The following MEGF6 variants were observed in gnomAD, a reference collection of about 807,000 sequenced individuals.
The protein encoded by MEGF6 is multiple EGF like domains 6.
MEGF6 carries 184 observed loss-of-function variants against 207.1 expected under a neutral mutation model. That is an observed-to-expected ratio of 0.89 (90% CI 0.79 to 1.00). MEGF6 has a LOEUF of 1.00. MEGF6 is among the 50% of genes least tolerant of loss of function. The pLI, the probability that MEGF6 is intolerant of heterozygous loss-of-function variation, is 0.00. For synonymous variants in MEGF6, 1,038 were observed against 910.0 expected, an observed-to-expected ratio of 1.14 and a Z score of -2.53; for missense variants, 2,282 against 2,202.9, an observed-to-expected ratio of 1.04 and a Z score of -0.72.
intron 5 of MEGF6, among the ~76,000 whole-genome samples, chr1:3,520,604 C>T (rs2101145219): frequency 6.6e-6 from 1 of 152,118 alleles, no homozygotes; most frequent in Admixed American, 6.5e-5. Context: ...CAATGGGGCA[C>T]ACCAGGACTC....
Position 3,571,414 on chromosome 1 carries a change from A to G in MEGF6, c.481+8411T>C, listed in dbSNP as rs75312104. 6.9e-3 allele frequency among the ~76,000 whole-genome samples: 1,050 copies of G among 152,054 alleles called. 16 individuals carry two copies. The highest frequency in any genetic ancestry group is 0.024 in the African/African-American group (994 of 41,440). ...AAGGCCAGCCTGCCCCAAAGGCCAG[A>G]GAGCAAGGTTCCTGAGTAAGGACAT... On this transcript the variant is annotated intron_variant, in intron 4 of 36. Coordinates refer to ENST00000356575, the MANE Select transcript of MEGF6 (RefSeq NM_001409.4).
At chr1:3,552,182 C>T (rs997092806) in intron 4 of MEGF6, among the ~76,000 whole-genome samples, 1 of 152,240 alleles carries the variant, frequency 6.6e-6, no homozygotes, top group Non-Finnish European at 1.5e-5. Context: ...TGCCCGAGCC[C>T]CAGGCACAGA....
chr1:3,510,627 G>A (rs1253693197), intron 10 of MEGF6, among the ~76,000 whole-genome samples, 156 bp downstream of exon 10: 2 of 151,978 alleles, frequency 1.3e-5, no homozygotes, highest in African/African-American at 4.8e-5. Context: ...CCTGCACACA[G>A]CAGGCGCTCA....
At chr1:3,525,383 C>T (rs756873800) in intron 4 of MEGF6, among the ~76,000 whole-genome samples, 1 of 152,208 alleles carries the variant, frequency 6.6e-6, no homozygotes, top group Non-Finnish European at 1.5e-5. Flanking sequence ...GGTCCTGAGG[C>T]CTCTCCCCGC....
chr1:3,497,325 T>G lies in MEGF6; in HGVS notation c.3389A>C (p.Gln1130Pro). 6.4e-7 allele frequency: 1 copy of G among 1,553,466 alleles called. No individual in the cohort carries two copies. The highest frequency in any genetic ancestry group is 8.7e-7 in the Non-Finnish European group (1 of 1,154,484). The part of the protein sequence containing the change: ...LRGWFGEACA[Q>P]RCSCPPGAAC... ...AGCGCCAGGCGGGCAGCTGCAGCGC[T>G]GGGCACAGGCCTCTCCAAACCAGCC... The change falls in exon 27 of 37, where the codon CAG becomes CCG. Residue 1130 changes from glutamine (Q) to proline (P), a missense_variant. Gln to Pro is a moderately conservative substitution (Grantham distance 76). Coordinates refer to ENST00000356575, the MANE Select transcript of MEGF6 (RefSeq NM_001409.4).
chr1:3,565,085 C>T lies in MEGF6; in HGVS notation c.481+14740G>A, dbSNP rs1643308389. Among the ~76,000 whole-genome samples the T allele has an allele frequency of 6.6e-6, 1 of 152,078 alleles. No homozygotes were observed. The highest frequency in any genetic ancestry group is 6.6e-5 in the Admixed American group (1 of 15,262). On this transcript the variant is annotated intron_variant, in intron 4 of 36. Coordinates refer to ENST00000356575, the MANE Select transcript of MEGF6 (RefSeq NM_001409.4). This position sits in a 1 kb window ranked among gnomAD's most constrained non-coding sequence, Gnocchi z 4.8. ...GTTTTGCTGGACTGGCTGGTGGGTT[C>T]CAAGCACAGGGCCTGGCACGCAGTG...
At chr1:3,576,010 G>T (rs528744753) in intron 4 of MEGF6, among the ~76,000 whole-genome samples, 1 of 152,378 alleles carries the variant, frequency 6.6e-6, no homozygotes, top group East Asian at 1.9e-4. Context: ...CTGAACAGAA[G>T]GGGGACTGGG....
intron 35 of MEGF6, among the ~76,000 whole-genome samples, chr1:3,491,752 C>A (rs1367203160): frequency 4.5e-5 from 3 of 67,002 alleles, no homozygotes; most frequent in East Asian, 4.2e-4. Flanking sequence ...CCCAACACCG[C>A]TGGGGGGTAC....
Position 3,560,878 on chromosome 1 carries a change from C to A in MEGF6, c.481+18947G>T. 1 of 442,010 alleles carries A rather than the reference C, an allele frequency of 2.3e-6. No individual in the cohort carries two copies. The highest frequency in any genetic ancestry group is 1.7e-5 in the South Asian group (1 of 60,324). 27.4% of individuals were successfully genotyped at this position (442,010 alleles called of 1,614,324 possible). ...CTGGCTGGTCCCCCAGGTCTCTACGCGAAGGGGGTGCTGGGCTCTACCCCC... is the reference window on the plus strand; with the variant it reads ...CTGGCTGGTCCCCCAGGTCTCTACGAGAAGGGGGTGCTGGGCTCTACCCCC... On this transcript the variant is annotated intron_variant, in intron 4 of 36. Transcript: ENST00000356575. This position sits in a 1 kb window ranked among gnomAD's most constrained non-coding sequence, Gnocchi z 4.0.
chr1:3,587,045 C>G (rs189520682), intron 3 of MEGF6, among the ~76,000 whole-genome samples: 3 of 152,378 alleles, frequency 2.0e-5, no homozygotes. Flanking sequence ...GCAACACAAG[C>G]TGTATATAGC....
chr1:3,518,222 T>C (rs1050253245), intron 5 of MEGF6, among the ~76,000 whole-genome samples: 1 of 151,958 alleles, frequency 6.6e-6, no homozygotes, highest in Non-Finnish European at 1.5e-5. Flanking sequence ...GTAGGATTCA[T>C]GTCCTTGTAG....
upstream of MEGF6, among the ~76,000 whole-genome samples, chr1:3,615,628 G>A (rs1012401763): frequency 2.6e-5 from 4 of 152,232 alleles, no homozygotes; most frequent in Admixed American, 6.5e-5. Flanking sequence ...AGGCCGAATG[G>A]AGGTCTATAT....
chr1:3,572,954 A>G lies in MEGF6; in HGVS notation c.481+6871T>C, dbSNP rs898788005. ...GGGTGTGCTGGGTTCTTCTGGGTGTACTGAGTCCTTCCTGGGTGTGCTGGG... is the reference window on the plus strand; with the variant it reads ...GGGTGTGCTGGGTTCTTCTGGGTGTGCTGAGTCCTTCCTGGGTGTGCTGGG... On this transcript the variant is annotated intron_variant, in intron 4 of 36. Coordinates refer to ENST00000356575, the MANE Select transcript of MEGF6 (RefSeq NM_001409.4). Among the ~76,000 whole-genome samples, 283 of 51,728 alleles carry G rather than the reference A, an allele frequency of 5.5e-3. 3 individuals are homozygous for G. The highest frequency in any genetic ancestry group is 0.024 in the South Asian group (36 of 1,512). 33.9% of individuals were successfully genotyped at this position (51,728 alleles called of 152,430 possible).
intron 4 of MEGF6, among the ~76,000 whole-genome samples, chr1:3,541,573 C>T (rs1017704960): frequency 2.6e-5 from 4 of 152,210 alleles, no homozygotes; most frequent in Admixed American, 6.5e-5. Context: ...TCGTTTCTCC[C>T]GTGCCTGGGC....
Position 3,494,141 on chromosome 1 carries a change from A to G in MEGF6, c.4130-17T>C. ...GGGGACAGGCTGAAGGACGCCGGTT[A>G]CCACGAGACAAGGGCACACGGTGGC... On this transcript the variant is annotated splice_polypyrimidine_tract_variant and intron_variant, in intron 32 of 36. Coordinates refer to ENST00000356575, the MANE Select transcript of MEGF6 (RefSeq NM_001409.4). The G allele has an allele frequency of 2.6e-6, 4 of 1,538,700 alleles. No homozygotes were observed. The highest frequency in any genetic ancestry group is 3.5e-6 in the Non-Finnish European group (4 of 1,143,000).
At chr1:3,619,841 G>A in the MEGF6 span, among the ~76,000 whole-genome samples, 1 of 152,178 alleles carries the variant, frequency 6.6e-6, no homozygotes, top group African/African-American at 2.4e-5. Flanking sequence ...GGTGATTTTG[G>A]AACTGGGTAA....
chr1:3,491,438 A>G (rs1640360335), intron 35 of MEGF6, among the ~76,000 whole-genome samples: 2 of 152,086 alleles, frequency 1.3e-5, no homozygotes. Context: ...GCACCAGCGC[A>G]CAGGCTGCTG....
At chr1:3,527,670 A>T (rs919271006) in intron 4 of MEGF6, among the ~76,000 whole-genome samples, 1 of 152,142 alleles carries the variant, frequency 6.6e-6, no homozygotes, top group East Asian at 1.9e-4. Flanking sequence ...GTGCCCTCCA[A>T]TGAGAGTCAG....
intron 3 of MEGF6, among the ~76,000 whole-genome samples, chr1:3,588,612 C>G (rs1643931556): frequency 1.3e-5 from 2 of 151,884 alleles, no homozygotes; most frequent in South Asian, 4.1e-4. Context: ...CTGAAGCGTC[C>G]TCCCTGGGCC....
Sources: gnomAD v4.1 joint callset for allele counts (sites outside exome capture counted in the v4.1 genomes callset) on GRCh38, gnomAD v4.1.1 for gene constraint, Gnocchi (gnomAD v3.1) non-coding constraint, MANE v1.5 for transcripts, NCBI Gene and HGNC (gene_info 2026-07-23, HGNC 2026-07-21) for gene names.